CGN: variants seen among roughly 807,000 people sequenced by gnomAD.
The protein encoded by CGN is cingulin.
A neutral mutation model predicts 157.1 loss-of-function variants in CGN; 121 were observed. That is an observed-to-expected ratio of 0.77 (90% CI 0.66 to 0.90). CGN has a LOEUF of 0.90. CGN is among the 40% of genes least tolerant of loss of function. The pLI, the probability that CGN is intolerant of heterozygous loss-of-function variation, is 0.00. For missense variants in CGN, 1,424 were observed against 1,520.9 expected (o/e 0.94, Z 1.06); for synonymous variants, 535 against 607.5 (o/e 0.88, Z 1.76).
chr1:151,531,888 TGC>T (rs1284749628), intron 13 of CGN, among the ~76,000 whole-genome samples: 15 of 152,214 alleles, frequency 9.9e-5, no homozygotes, highest in African/African-American at 3.6e-4. Flanking sequence ...CAATGAAAAA[TGC>T]ACATCTTATC....
In CGN at chr1:151,524,677, C is replaced by A. The variant is rs1449559077; in HGVS notation, c.1405C>A (p.Leu469Met). Residue 469 changes from leucine to methionine, a missense_variant, in exon 8 of 21, where the codon CTG becomes ATG. By Grantham distance (15) the Leu-to-Met change is conservative. Transcript: ENST00000271636. This position sits in a 1 kb window ranked among gnomAD's most constrained non-coding sequence, Gnocchi z 4.4. ...EPAKEVLLKD[L>M]LETRELLEEV... The stretch of plus-strand genomic sequence containing the variant: ...CTTCTTCCTTTATTTTCTCCAGGAC[C>A]TGTTAGAGACCCGGGAACTTCTGGA... 1 of 1,605,474 alleles carries A rather than the reference C, an allele frequency of 6.2e-7. No individual in the cohort carries two copies. The highest frequency in any genetic ancestry group is 8.5e-7 in the Non-Finnish European group (1 of 1,177,866).
intron 10 of CGN, among the ~76,000 whole-genome samples, chr1:151,528,744 A>G (rs1232554805): frequency 6.6e-6 from 1 of 152,004 alleles, no homozygotes; most frequent in Non-Finnish European, 1.5e-5. Context: ...AAGTTGTACA[A>G]CCATCATCAC....
chr1:151,534,308 A>G, intron 15 of CGN, 172 bp downstream of exon 15: 1 of 677,202 alleles, frequency 1.5e-6, no homozygotes. Context: ...TCACCTAAAA[A>G]TTTGGATTTC....
At chr1:151,521,416 G>C (rs1348282739) in intron 5 of CGN, among the ~76,000 whole-genome samples, 1 of 152,238 alleles carries the variant, frequency 6.6e-6, no homozygotes, top group Non-Finnish European at 1.5e-5. Flanking sequence ...CTTGTTGGCT[G>C]TGTAACTGAC....
intron 16 of CGN, 41 bp downstream of exon 16, chr1:151,535,172 C>T (rs1451629573): frequency 7.0e-7 from 1 of 1,437,828 alleles, no homozygotes; most frequent in Admixed American, 1.7e-5. Flanking sequence ...CCCCTGACTG[C>T]ATCACCTCTT....
Position 151,537,227 on chromosome 1 carries a change from G to C in CGN, c.3493G>C (p.Ala1165Pro), listed in dbSNP as rs567836508. 6.2e-7 allele frequency: 1 copy of C among 1,613,986 alleles called. No homozygotes were observed. The highest frequency in any genetic ancestry group is 2.2e-5 in the East Asian group (1 of 44,888). Residue 1165 changes from alanine to proline, a missense_variant, in exon 21 of 21, where the codon GCT becomes CCT. By Grantham distance (27) the Ala-to-Pro change is conservative. Transcript: ENST00000271636. ...DSWRKASRSA[A>P]ESALKNEGLS... is the part of the protein sequence containing the mutation. ...CAGGCGCAAAGCTTCCCGCTCAGCT[G>C]CTGAGTCAGCTCTCAAAAACGAAGG...
At chr1:151,529,883 G>A (rs1367208027) in intron 11 of CGN, 26 bp from the exon 12 acceptor site, 1 of 1,602,394 alleles carries the variant, frequency 6.2e-7, no homozygotes, top group Non-Finnish European at 8.5e-7. Context: ...TGGGGTCTGA[G>A]CTGCCACCCC....
chr1:151,532,135 T>C (rs1260792194), intron 13 of CGN, among the ~76,000 whole-genome samples: 1 of 152,218 alleles, frequency 6.6e-6, no homozygotes, highest in Non-Finnish European at 1.5e-5. Context: ...GTGATATAGT[T>C]ACTATTTTTA....
At chr1:151,525,583 TGA>T in intron 8 of CGN, 57 bp from the exon 9 acceptor site, 1 of 1,418,422 alleles carries the variant, frequency 7.1e-7, no homozygotes, top group Admixed American at 2.5e-5. Flanking sequence ...ACTCACACTT[TGA>T]TTTGAAGTGA....
At chr1:151,533,370 G>T (rs1557993348) in intron 14 of CGN, among the ~76,000 whole-genome samples, 1 of 152,200 alleles carries the variant, frequency 6.6e-6, no homozygotes, top group Non-Finnish European at 1.5e-5. Flanking sequence ...CAGCTACTCA[G>T]GAGGCTGAGG....
chr1:151,530,869 G>A (rs12134822), intron 13 of CGN, 123 bp downstream of exon 13: 261,321 of 1,025,578 alleles, frequency 0.25, 35,699 homozygotes, highest in Middle Eastern at 0.32. Context: ...GGCCAGGTGC[G>A]GTGACTCACT....
At position 151,536,316 on chromosome 1, in the gene CGN, C is replaced by T. The variant is rs761934907; in HGVS notation, c.3277C>T (p.Arg1093Trp). The change falls in exon 19 of 21, where the codon CGG becomes TGG. Residue 1093 changes from arginine (R) to tryptophan (W), a missense_variant. Arg to Trp is a moderately radical substitution (Grantham distance 101). Around this residue, in one of 3 missense-constraint regions of CGN, gnomAD observed 199 missense variants for 272.2 expected, o/e 0.73. Coordinates refer to ENST00000271636, the MANE Select transcript of CGN (RefSeq NM_020770.3). ...KELSIQIEDE[R>W]QHVNDQKDQL... is the part of the protein sequence containing the mutation. ...ACTATCCATCCAGATTGAAGACGAG[C>T]GGCAGCATGTCAATGACCAGAAAGA... 8 of 1,610,268 alleles carry T rather than the reference C, an allele frequency of 5.0e-6. 1 individual carries two copies. Among genetic ancestry groups the T allele is most frequent in the South Asian group, 2.2e-5 (2 of 90,972 alleles).
In CGN at chr1:151,524,749, C is replaced by T. The variant is rs754175873; in HGVS notation, c.1477C>T (p.Arg493Trp). 2.5e-5 allele frequency: 41 copies of T among 1,611,048 alleles called. No homozygotes were observed. Among genetic ancestry groups the T allele is most frequent in the East Asian group, 2.0e-4 (9 of 44,848 alleles). The change falls in exon 8 of 21, where the codon CGG becomes TGG. Residue 493 changes from arginine (R) to tryptophan (W), a missense_variant. Arg to Trp is a moderately radical substitution (Grantham distance 101). Transcript: ENST00000271636. The surrounding 1 kb of genome is among the most constrained non-coding windows in gnomAD (Gnocchi z 4.4). ...GCGAGTAGAGGAGCAGCTGAGGCTGCGGGAGCGGGAGTTGACAGCCCTGAA... is the reference window on the plus strand; with the variant it reads ...GCGAGTAGAGGAGCAGCTGAGGCTGTGGGAGCGGGAGTTGACAGCCCTGAA... Reference protein sequence around the residue: ...KQRVEEQLRLRERELTALKGA... With the variant: ...KQRVEEQLRLWERELTALKGA...
At chr1:151,537,027 A>G in intron 20 of CGN, 134 bp downstream of exon 20, 1 of 1,188,188 alleles carries the variant, frequency 8.4e-7, no homozygotes, top group Non-Finnish European at 1.2e-6. Context: ...GGAAGCCAGT[A>G]TATTTATTTA....
chr1:151,532,435 C>T lies in CGN; in HGVS notation c.2605C>T (p.Leu869=). The change falls in exon 14 of 21, where the codon CTG becomes TTG. Residue 869 remains leucine (L), a synonymous_variant. Coordinates refer to ENST00000271636, the MANE Select transcript of CGN (RefSeq NM_020770.3). ...GATCGGGGAGGACTCTAAGCAAGCCCTGCAGCAGCTCCAGGCCCAGCTGGA... is the reference window on the plus strand; with the variant it reads ...GATCGGGGAGGACTCTAAGCAAGCCTTGCAGCAGCTCCAGGCCCAGCTGGA... The part of the protein sequence containing the change: ...EKIGEDSKQA[L]QQLQAQLEDY... The T allele has an allele frequency of 1.3e-6, 2 of 1,594,604 alleles. No homozygotes were observed. Among genetic ancestry groups the T allele is most frequent in the African/African-American group, 2.7e-5 (2 of 73,672 alleles).
At chr1:151,521,431 G>A (rs920996300) in intron 5 of CGN, among the ~76,000 whole-genome samples, 1 of 152,142 alleles carries the variant, frequency 6.6e-6, no homozygotes, top group Non-Finnish European at 1.5e-5. Context: ...ACTGACCTTG[G>A]GCAAGTTCTT....
At chr1:151,513,181 C>CA (rs1345460914) in intron 1 of CGN, among the ~76,000 whole-genome samples, 1 of 152,232 alleles carries the variant, frequency 6.6e-6, no homozygotes, top group Non-Finnish European at 1.5e-5. Flanking sequence ...GTGGTCTTGC[C>CA]CCTCTGCCTC....
At chr1:151,527,158 CCTTA>C (rs1341016021) in intron 10 of CGN, 51 bp downstream of exon 10, 4 of 1,606,900 alleles carry the variant, frequency 2.5e-6, no homozygotes. Flanking sequence ...TGAACACCTG[CCTTA>C]CCTCTCCATG....
rs1665004322 is a variant in CGN at position 151,537,854 on chromosome 1, C to T, written c.*508C>T. On this transcript the variant is annotated 3_prime_UTR_variant, in exon 21 of 21. Transcript: ENST00000271636. The stretch of plus-strand genomic sequence containing the variant: ...CCATTTCTTTGCACAAGTATGGGGC[C>T]CATGTGGTAGTCCCCATACCCCTCC... 6.5e-6 allele frequency: 1 copy of T among 153,128 alleles called. No individual in the cohort carries two copies. The highest frequency in any genetic ancestry group is 2.4e-5 in the African/African-American group (1 of 41,406). The allele number at this position is 153,128 out of a possible 1,614,324, so 9.5% of individuals were successfully genotyped here. A position where few individuals can be genotyped will look rare whatever the true frequency, so the allele number is the denominator to read the frequency against.
Sources: gnomAD v4.1 joint callset for allele counts (sites outside exome capture counted in the v4.1 genomes callset) on GRCh38, gnomAD v4.1.1 for gene constraint, gnomAD v4.1.1 regional missense constraint, Gnocchi (gnomAD v3.1) non-coding constraint, MANE v1.5 for transcripts, NCBI Gene and HGNC (gene_info 2026-07-23, HGNC 2026-07-21) for gene names.